Variants in CFHR4 observed in about 807,000 individuals in gnomAD.
The protein encoded by CFHR4 is complement factor H related 4.
Under a neutral mutation model 69.3 loss-of-function variants are expected in CFHR4, and 64 were observed. That is an observed-to-expected ratio of 0.92 (90% CI 0.76 to 1.14). The LOEUF is 1.14. Ranked by LOEUF, CFHR4 falls within the 50% of genes most tolerant of loss-of-function variation. The pLI is 0.00. For missense variants in CFHR4, 636 were observed against 684.9 expected (o/e 0.93, Z 0.80); for synonymous variants, 244 against 237.0 (o/e 1.03, Z -0.27).
Position 196,914,788 on chromosome 1 carries a change from G to A in CFHR4, c.1357+117G>A. 4 of 1,410,294 alleles carry A rather than the reference G, an allele frequency of 2.8e-6. 1 individual carries two copies. Among genetic ancestry groups the A allele is most frequent in the Non-Finnish European group, 3.8e-6 (4 of 1,063,160 alleles). The allele number at this position is 1,410,294 out of a possible 1,614,324, so 87.4% of individuals were successfully genotyped here. ...GTACATATATATGTAGTCCTCCTAT[G>A]AGTGTGAATTATCTTGAGACTTAAA... On this transcript the variant is annotated intron_variant, in intron 8 of 9. Coordinates refer to ENST00000608469, the MANE Select transcript of CFHR4 (RefSeq NM_001201550.3).
chr1:196,905,327 A>G (rs1202922762), intron 3 of CFHR4, 37 bp downstream of exon 3: 1 of 1,607,020 alleles, frequency 6.2e-7, no homozygotes, highest in African/African-American at 1.3e-5. Flanking sequence ...GTTTCTGTCA[A>G]CTTCTTTCCT....
chr1:196,904,047 A>AAAGG (rs1195851888), intron 2 of CFHR4, among the ~76,000 whole-genome samples: 2 of 151,606 alleles, frequency 1.3e-5, no homozygotes, highest in African/African-American at 2.4e-5. Context: ...CAATAGAGAT[A>AAAGG]AAGGACAATG....
At chr1:196,895,209 G>A (rs531836905) in intron 1 of CFHR4, among the ~76,000 whole-genome samples, 9 of 151,350 alleles carry the variant, frequency 5.9e-5, no homozygotes, top group Non-Finnish European at 1.3e-4. Flanking sequence ...CTCCTCCCTG[G>A]GTGACAGAGC....
chr1:196,901,060 G>A (rs942033633), intron 1 of CFHR4, among the ~76,000 whole-genome samples: 1 of 151,430 alleles, frequency 6.6e-6, no homozygotes, highest in African/African-American at 2.4e-5. Context: ...ATGTGTTAAA[G>A]ACAAATTATT....
chr1:196,906,886 G>C lies in CFHR4; in HGVS notation c.465G>C (p.Glu155Asp). 1 of 1,598,428 alleles carries C rather than the reference G, an allele frequency of 6.3e-7. No homozygotes were observed. Among genetic ancestry groups the C allele is most frequent in the Non-Finnish European group, 8.5e-7 (1 of 1,175,250 alleles). ...AATTTTGTGATATGCCTGTTTTTGAGAATTCCAGAGCCAAGAGTAATGGCA... is the reference window on the plus strand; with the variant it reads ...AATTTTGTGATATGCCTGTTTTTGACAATTCCAGAGCCAAGAGTAATGGCA... ...CIKFCDMPVF[E>D]NSRAKSNGMW... Residue 155 changes from glutamate to aspartate, a missense_variant, in exon 4 of 10, where the codon GAG (glutamate) becomes GAC (aspartate). By Grantham distance (45) the Glu-to-Asp change is conservative (BLOSUM62 2). Coordinates refer to ENST00000608469, the MANE Select transcript of CFHR4 (RefSeq NM_001201550.3).
intron 1 of CFHR4, among the ~76,000 whole-genome samples, chr1:196,893,709 A>G (rs1410292797): frequency 6.6e-6 from 1 of 151,552 alleles, no homozygotes; most frequent in East Asian, 1.9e-4. Context: ...CATTAGATTT[A>G]TGTTTGGCTG....
In CFHR4 at chr1:196,912,832, T is replaced by C. The variant is rs779696551; in HGVS notation, c.1090T>C (p.Cys364Arg). 1.2e-6 allele frequency: 2 copies of C among 1,609,888 alleles called. No homozygotes were observed. The highest frequency in any genetic ancestry group is 2.2e-5 in the East Asian group (1 of 44,688). The part of the protein sequence containing the change: ...YILNKEIQYK[C>R]KPGYATADGN... ...TTTAAATAAAGAAATACAATATAAA[T>C]GTAAACCAGGATATGCAACAGCAGA... Residue 364 changes from cysteine (C) to arginine (R), a missense_variant, in exon 7 of 10, where the codon TGT (cysteine) becomes CGT (arginine). Transcript: ENST00000608469.
chr1:196,910,532 G>A, intron 6 of CFHR4, 54 bp downstream of exon 6: 1 of 1,419,916 alleles, frequency 7.0e-7, no homozygotes, highest in Non-Finnish European at 9.9e-7. Context: ...AGAATGGAGA[G>A]AGAAGAGCAA....
rs535805950 is a variant in CFHR4 at position 196,918,018 on chromosome 1, C to T, written c.1541-192C>T. 2.7e-4 allele frequency among the ~76,000 whole-genome samples: 41 copies of T among 151,720 alleles called. 1 individual carries two copies. Among genetic ancestry groups the T allele is most frequent in the African/African-American group, 4.6e-4 (19 of 41,194 alleles). ...CCTCACCTGATGATCTCTGCTGTGA[C>T]GTTGGGGAAGTGCAACTGAACTTAT... On this transcript the variant is annotated intron_variant, in intron 9 of 9. Transcript: ENST00000608469.
chr1:196,904,057 G>A (rs550351594), intron 2 of CFHR4, among the ~76,000 whole-genome samples: 6 of 151,442 alleles, frequency 4.0e-5, no homozygotes, highest in Non-Finnish European at 8.8e-5. Context: ...AAAGGACAAT[G>A]GTAATCTTCT....
chr1:196,911,882 T>C (rs1233973980), intron 6 of CFHR4, among the ~76,000 whole-genome samples: 3 of 151,468 alleles, frequency 2.0e-5, no homozygotes, highest in African/African-American at 7.3e-5. Flanking sequence ...AGGAGATTAA[T>C]AGGAAAGTAG....
chr1:196,899,917 T>C (rs1443765610), intron 1 of CFHR4, among the ~76,000 whole-genome samples: 2 of 151,654 alleles, frequency 1.3e-5, no homozygotes, highest in Non-Finnish European at 2.9e-5. Context: ...ATTACTCTTT[T>C]GTGTCTGCCC....
rs1448022410 is a variant in CFHR4 at position 196,904,051 on chromosome 1, G to A, written c.257-1057G>A. On this transcript the variant is annotated intron_variant, in intron 2 of 9. Coordinates refer to ENST00000608469, the MANE Select transcript of CFHR4 (RefSeq NM_001201550.3). ...TAATTAGGATACAATAGAGATAAAG[G>A]ACAATGGTAATCTTCTTACACATTC... Among the ~76,000 whole-genome samples the A allele has an allele frequency of 3.3e-5, 5 of 151,408 alleles. 1 individual carries two copies. Among genetic ancestry groups the A allele is most frequent in the Admixed American group, 3.3e-4 (5 of 15,174 alleles).
In CFHR4 at chr1:196,902,502, CAGG is replaced by C. The variant is rs1258703774; in HGVS notation, c.145_147del (p.Gly49del). ...CGTAGACTATACTTTCCAGCAGCTG[CAGG>C]ACAATCTTATTCCTATTACTGTGAT... On this transcript the variant is annotated inframe_deletion, in exon 2 of 10. Coordinates refer to ENST00000608469, the MANE Select transcript of CFHR4 (RefSeq NM_001201550.3). 1 of 1,611,212 alleles carries C rather than the reference CAGG, an allele frequency of 6.2e-7. No homozygotes were observed.
intron 1 of CFHR4, among the ~76,000 whole-genome samples, chr1:196,897,448 A>G (rs1469605039): frequency 1.3e-5 from 2 of 151,664 alleles, no homozygotes; most frequent in Non-Finnish European, 2.9e-5. Context: ...CCAGTGTGAC[A>G]GACTTCTGTA....
rs1657685071 is a variant in CFHR4, at chr1:196,902,588, G to A, written c.229G>A (p.Gly77Ser). 2 of 1,612,076 alleles carry A rather than the reference G, an allele frequency of 1.2e-6. No homozygotes were observed. Among genetic ancestry groups the A allele is most frequent in the Middle Eastern group, 1.7e-4 (1 of 6,050 alleles). The change falls in exon 2 of 10, where the codon GGT (glycine) becomes AGT (serine). Residue 77 changes from glycine to serine, a missense_variant. By Grantham distance (56) the Gly-to-Ser change is moderately conservative. Around this residue, in one of 3 missense-constraint regions of CFHR4, gnomAD observed 529 missense variants for 533.2 expected, o/e 0.99. Transcript: ENST00000608469. The stretch of plus-strand genomic sequence containing the variant: ...GGATTACATTCATTGCACACAAGAT[G>A]GTTGGTCACCAACGGTCCCATGCCT... ...YWDYIHCTQD[G>S]WSPTVPCLRT...
rs752548939 is a variant in CFHR4, at chr1:196,910,465, A to C, written c.984A>C (p.Thr328=). Residue 328 remains threonine, a synonymous_variant, in exon 6 of 10, where the codon ACA becomes ACC. Coordinates refer to ENST00000608469, the MANE Select transcript of CFHR4 (RefSeq NM_001201550.3). ...GCACACAAGATGGGTGGTTGCCAAC[A>C]GTCCCATGCCTCAGTAAGCAAACCT... is the stretch of plus-strand genomic sequence containing the variant. ...IHCTQDGWLP[T]VPCLRTCSKS... The C allele has an allele frequency of 3.1e-6, 5 of 1,612,014 alleles. No individual in the cohort carries two copies. Among genetic ancestry groups the C allele is most frequent in the Non-Finnish European group, 8.5e-7 (1 of 1,179,084 alleles).
chr1:196,912,666 G>A lies in CFHR4; in HGVS notation c.998-74G>A. 2.8e-6 allele frequency: 4 copies of A among 1,423,662 alleles called. No homozygotes were observed. The South Asian group carries it at 4.4e-5, about 16-fold the overall frequency. 88.2% of individuals were successfully genotyped at this position (1,423,662 alleles called of 1,614,324 possible). Reference sequence around the variant, plus strand: ...TTTCATTGTTTTGCCATATTGCCATGTTTTTACTTGTTCCCTCCTATAAAA... The same window carrying A: ...TTTCATTGTTTTGCCATATTGCCATATTTTTACTTGTTCCCTCCTATAAAA... On this transcript the variant is annotated intron_variant, in intron 6 of 9. Transcript: ENST00000608469.
At chr1:196,897,743 T>C (rs913058346) in intron 1 of CFHR4, among the ~76,000 whole-genome samples, 1 of 151,286 alleles carries the variant, frequency 6.6e-6, no homozygotes, top group Admixed American at 6.6e-5. Context: ...CAGCCGCGTA[T>C]GTGTGCCCGC....
Sources: gnomAD v4.1 joint callset for allele counts (sites outside exome capture counted in the v4.1 genomes callset) on GRCh38, gnomAD v4.1.1 for gene constraint, gnomAD v4.1.1 regional missense constraint, MANE v1.5 for transcripts, NCBI Gene and HGNC (gene_info 2026-07-23, HGNC 2026-07-21) for gene names.